Variants in IRAG1 observed in about 807,000 individuals in gnomAD.
IRAG1 encodes the protein inositol 1,4,5-triphosphate receptor associated 1, also known as IP3R-associated cGMP kinase substrate.
IRAG1 carries 62 observed loss-of-function variants against 106.2 expected under a neutral mutation model. The ratio of observed to expected loss-of-function variants is 0.58; its 90% CI spans 0.48 to 0.72. The LOEUF (loss-of-function observed/expected upper bound fraction) is 0.72. Among genes scored for constraint, IRAG1 ranks in the 30% least tolerant of loss-of-function variants. The pLI is 0.00. For missense variants in IRAG1, 1,064 were observed against 1,140.7 expected, an observed-to-expected ratio of 0.93 and a Z score of 0.97; for synonymous variants, 462 against 443.9, an observed-to-expected ratio of 1.04 and a Z score of -0.51.
intron 1 of IRAG1, among the ~76,000 whole-genome samples, chr11:10,661,868 GA>G (rs1217469238): frequency 1.3e-5 from 2 of 152,316 alleles, no homozygotes; most frequent in African/African-American, 4.8e-5. Flanking sequence ...ACATCTTGGG[GA>G]GGGGGGAGTA....
At chr11:10,590,845 C>T (rs1564894205) in intron 18 of IRAG1, among the ~76,000 whole-genome samples, 1 of 152,176 alleles carries the variant, frequency 6.6e-6, no homozygotes, top group South Asian at 2.1e-4. Context: ...TGATTCTGTT[C>T]AGGAATTTAC....
chr11:10,683,295 C>T (rs1194033785), intron 1 of IRAG1, among the ~76,000 whole-genome samples: 3 of 148,700 alleles, frequency 2.0e-5, no homozygotes, highest in Non-Finnish European at 4.4e-5. Context: ...GTTAATAAAA[C>T]ATATTTATCT....
chr11:10,663,547 C>T lies in IRAG1; in HGVS notation c.68-11365G>A, dbSNP rs143906886. Among the ~76,000 whole-genome samples the T allele has an allele frequency of 2.8e-4, 42 of 152,238 alleles. 1 individual carries two copies. In the East Asian group the frequency reaches 6.4e-3, roughly 23 times the overall value. The stretch of plus-strand genomic sequence containing the variant: ...CACTGGGGCTCTGGGGTGTGTCCTC[C>T]AAGGCCACCTCCTCCAGGAAGGCTT... On this transcript the variant is annotated intron_variant, in intron 1 of 20. Transcript: ENST00000423302.
At chr11:10,663,209 C>G (rs2135034477) in intron 1 of IRAG1, among the ~76,000 whole-genome samples, 1 of 152,156 alleles carries the variant, frequency 6.6e-6, no homozygotes. Context: ...CTTGGCAACA[C>G]CACAGCCCAA....
chr11:10,609,895 C>G, intron 10 of IRAG1, 44 bp from the exon 11 acceptor site: 1 of 1,602,040 alleles, frequency 6.2e-7, no homozygotes, highest in Non-Finnish European at 8.5e-7. Flanking sequence ...TTTGAAATCA[C>G]AGTAGTACTG....
At chr11:10,660,960 T>A (rs1229780764) in intron 1 of IRAG1, among the ~76,000 whole-genome samples, 1 of 152,240 alleles carries the variant, frequency 6.6e-6, no homozygotes, top group African/African-American at 2.4e-5. Context: ...ACAGCCTCAT[T>A]TGTCTCCTTA....
chr11:10,587,098 C>G (rs1395104294), intron 18 of IRAG1, among the ~76,000 whole-genome samples: 1 of 152,220 alleles, frequency 6.6e-6, no homozygotes, highest in Non-Finnish European at 1.5e-5. Flanking sequence ...CATCTGTCCC[C>G]TGCCTGAAAT....
At chr11:10,618,635 A>G (rs911847727) in intron 10 of IRAG1, among the ~76,000 whole-genome samples, 1 of 152,240 alleles carries the variant, frequency 6.6e-6, no homozygotes, top group Non-Finnish European at 1.5e-5. Flanking sequence ...ATGAGCAGAT[A>G]TCTAAAGATT....
At chr11:10,629,773 T>G in intron 4 of IRAG1, 62 bp from the exon 5 acceptor site, 1 of 1,504,080 alleles carries the variant, frequency 6.6e-7, no homozygotes, top group Non-Finnish European at 9.0e-7. Context: ...GCTGAGGTCA[T>G]GCCATACCAT....
intron 1 of IRAG1, among the ~76,000 whole-genome samples, chr11:10,680,368 AGAAG>A (rs1554935659): frequency 1.4e-3 from 111 of 80,942 alleles, no homozygotes; most frequent in Middle Eastern, 0.012. Context: ...AAAGAAAGAA[AGAAG>A]GAAGGAAGGA....
intron 18 of IRAG1, among the ~76,000 whole-genome samples, chr11:10,584,670 A>C (rs1427028190): frequency 6.6e-6 from 1 of 150,480 alleles, no homozygotes; most frequent in African/African-American, 2.4e-5. Flanking sequence ...TGCGTGAAGG[A>C]GGACAGTGTA....
chr11:10,617,236 C>T (rs1174999978), intron 10 of IRAG1: 1 of 970,146 alleles, frequency 1.0e-6, no homozygotes, highest in Non-Finnish European at 1.2e-6. Context: ...ATTTCAAGAG[C>T]CACCATTTAC....
chr11:10,596,443 T>A (rs538154376), intron 15 of IRAG1, among the ~76,000 whole-genome samples: 30 of 152,244 alleles, frequency 2.0e-4, no homozygotes, highest in Non-Finnish European at 4.3e-4. Context: ...TTTAAGATCT[T>A]CCCTTTGTCT....
chr11:10,597,263 T>C (rs1245297869), intron 15 of IRAG1, among the ~76,000 whole-genome samples: 1 of 152,206 alleles, frequency 6.6e-6, no homozygotes. Flanking sequence ...AGGAGTTCTA[T>C]TTTATTCTTC....
rs1850796097 is a variant in IRAG1, at chr11:10,576,034, T to A, written c.*298A>T. 2.7e-6 allele frequency: 1 copy of A among 375,992 alleles called. No individual in the cohort carries two copies. The highest frequency in any genetic ancestry group is 5.0e-6 in the Non-Finnish European group (1 of 200,488). 23.3% of individuals were successfully genotyped at this position (375,992 alleles called of 1,614,324 possible). ...CCAACCACCAGTGAAGGTGTTTTAG[T>A]TCTCCCCAGCCACCTGAGCTAGGGG... On this transcript the variant is annotated 3_prime_UTR_variant, in exon 21 of 21. Coordinates refer to ENST00000423302, the MANE Select transcript of IRAG1 (RefSeq NM_130385.4).
At chr11:10,585,490 C>T (rs1026468170) in intron 18 of IRAG1, among the ~76,000 whole-genome samples, 1 of 151,484 alleles carries the variant, frequency 6.6e-6, no homozygotes, top group Middle Eastern at 3.2e-3. Flanking sequence ...GCATGAGAAT[C>T]GCATTTCAAG....
intron 1 of IRAG1, chr11:10,690,188 G>A (rs752481252): frequency 1.6e-4 from 50 of 321,340 alleles, no homozygotes; most frequent in Non-Finnish European, 2.6e-4. Flanking sequence ...TCAGGAGTTC[G>A]AGACCAGCCT....
At chr11:10,675,334 C>G (rs914661832) in intron 1 of IRAG1, among the ~76,000 whole-genome samples, 2 of 152,302 alleles carry the variant, frequency 1.3e-5, no homozygotes, top group Admixed American at 6.5e-5. Flanking sequence ...GGCTCCTGCC[C>G]GGTTCCCCTC....
At chr11:10,688,424 TCTC>T (rs748746346) in intron 1 of IRAG1, among the ~76,000 whole-genome samples, 2 of 152,224 alleles carry the variant, frequency 1.3e-5, no homozygotes, top group Non-Finnish European at 2.9e-5. Context: ...CAGGCTTTCT[TCTC>T]CTCCTGATGA....
Sources: gnomAD v4.1 joint callset for allele counts (sites outside exome capture counted in the v4.1 genomes callset) on GRCh38, gnomAD v4.1.1 for gene constraint, MANE v1.5 for transcripts, NCBI Gene and HGNC (gene_info 2026-07-23, HGNC 2026-07-21) for gene names.